The following ARHGAP28 variants were observed in gnomAD, a reference collection of about 807,000 sequenced individuals.
ARHGAP28 encodes the protein rho GTPase-activating protein 28.
In ARHGAP28, 56 loss-of-function variants were observed where a neutral mutation model predicts 90.7. That is an observed-to-expected ratio of 0.62 (90% confidence interval 0.50 to 0.77). ARHGAP28 has a LOEUF of 0.77. Ranked by LOEUF, ARHGAP28 falls within the 30% of genes least tolerant of loss-of-function variation. The probability of loss-of-function intolerance (pLI) is 0.00; values close to 1 mark genes in which losing one functional copy is unlikely to be tolerated. For synonymous variants in ARHGAP28, 308 were observed against 323.3 expected (o/e 0.95, Z 0.51); for missense variants, 869 against 900.9 (o/e 0.96, Z 0.45).
At chr18:6,844,959 G>T (rs2056855538) in intron 3 of ARHGAP28, among the ~76,000 whole-genome samples, 1 of 152,112 alleles carries the variant, frequency 6.6e-6, no homozygotes, top group South Asian at 2.1e-4. Context: ...AAAGTGTGGG[G>T]GAAGATGTCA....
Position 6,873,448 on chromosome 18 carries a change from G to A in ARHGAP28, c.994G>A (p.Ala332Thr). Residue 332 changes from alanine to threonine, a missense_variant, in exon 8 of 18, where the codon GCA becomes ACA. By Grantham distance (58) the Ala-to-Thr change is moderately conservative. Coordinates refer to ENST00000383472, the MANE Select transcript of ARHGAP28 (RefSeq NM_001366230.1). ...VQKTRFGLTE[A>T]GDLSAEDMKK... ...GAAAACCAGATTTGGCTTAACTGAA[G>A]CAGGAGATCTGTCTGCTGAAGACAT... The A allele has an allele frequency of 6.2e-7, 1 of 1,612,690 alleles. No homozygotes were observed. The highest frequency in any genetic ancestry group is 8.5e-7 in the Non-Finnish European group (1 of 1,179,708).
intron 2 of ARHGAP28, among the ~76,000 whole-genome samples, chr18:6,825,631 A>G (rs1378521092): frequency 6.6e-6 from 1 of 152,076 alleles, no homozygotes; most frequent in African/African-American, 2.4e-5. Flanking sequence ...AGTAGTCTGC[A>G]GTGTCTATTG....
At chr18:6,905,671 C>A (rs1432049681) in intron 16 of ARHGAP28, among the ~76,000 whole-genome samples, 3 of 152,110 alleles carry the variant, frequency 2.0e-5, no homozygotes, top group African/African-American at 7.2e-5. Flanking sequence ...TTTAAAAAGA[C>A]CTAGAAGTAA....
At chr18:6,817,343 C>A (rs568707315) in intron 1 of ARHGAP28, among the ~76,000 whole-genome samples, 465 of 145,564 alleles carry the variant, frequency 3.2e-3, no homozygotes, top group African/African-American at 0.011. Flanking sequence ...AAAAAAAAAA[C>A]AAAACAAAAC....
intron 1 of ARHGAP28, among the ~76,000 whole-genome samples, chr18:6,787,242 A>G (rs1234235113): frequency 6.8e-6 from 1 of 146,062 alleles, no homozygotes; most frequent in African/African-American, 2.6e-5. Flanking sequence ...AAAAAAAAAA[A>G]GGATTGAAGT....
chr18:6,824,520 G>C (rs2056647985), intron 1 of ARHGAP28, among the ~76,000 whole-genome samples: 2 of 152,006 alleles, frequency 1.3e-5, no homozygotes, highest in African/African-American at 4.8e-5. Context: ...CTGGGCAACA[G>C]AGCAAGACTC....
intron 3 of ARHGAP28, among the ~76,000 whole-genome samples, chr18:6,839,304 T>A (rs904303743): frequency 2.0e-5 from 3 of 150,732 alleles, no homozygotes; most frequent in African/African-American, 7.3e-5. Context: ...TTTTTTTTTT[T>A]TTTTTTTGAG....
intron 12 of ARHGAP28, among the ~76,000 whole-genome samples, chr18:6,889,278 A>G (rs1378279736): frequency 6.6e-6 from 1 of 152,112 alleles, no homozygotes; most frequent in Non-Finnish European, 1.5e-5. Flanking sequence ...ATTTTTTTTA[A>G]TGCTTAGAAG....
intron 1 of ARHGAP28, among the ~76,000 whole-genome samples, chr18:6,802,276 T>C (rs748868439): frequency 1.3e-5 from 2 of 151,712 alleles, no homozygotes; most frequent in African/African-American, 2.4e-5. Flanking sequence ...GATTTCCTTT[T>C]ATATATGTGC....
intron 1 of ARHGAP28, among the ~76,000 whole-genome samples, chr18:6,821,180 T>C (rs1454436775): frequency 6.6e-6 from 1 of 152,188 alleles, no homozygotes; most frequent in Non-Finnish European, 1.5e-5. Flanking sequence ...TCCATGTGAA[T>C]AGTAATAAAG....
At chr18:6,870,774 A>G in intron 7 of ARHGAP28, 42 bp downstream of exon 7, 7 of 1,547,982 alleles carry the variant, frequency 4.5e-6, no homozygotes, top group Non-Finnish European at 6.1e-6. Context: ...ACTTCCTGTG[A>G]CTTCATAGGA....
At chr18:6,782,596 T>A (rs1321020429) in intron 1 of ARHGAP28, among the ~76,000 whole-genome samples, 2 of 53,452 alleles carry the variant, frequency 3.7e-5, no homozygotes, top group Admixed American at 3.3e-4. Context: ...TTTTGTATTT[T>A]TTTTTTTTTT....
At chr18:6,835,066 C>G (rs922978421) in intron 2 of ARHGAP28, among the ~76,000 whole-genome samples, 5 of 152,136 alleles carry the variant, frequency 3.3e-5, no homozygotes, top group Admixed American at 2.6e-4. Flanking sequence ...GAGCAGCCAA[C>G]AGGAGTAATA....
chr18:6,877,914 T>C (rs1567979677), intron 10 of ARHGAP28, among the ~76,000 whole-genome samples: 2 of 152,092 alleles, frequency 1.3e-5, no homozygotes, highest in Non-Finnish European at 2.9e-5. Flanking sequence ...CTGTCCATAA[T>C]TGGGAAACTG....
chr18:6,763,511 C>G (rs2056178106), intron 1 of ARHGAP28, among the ~76,000 whole-genome samples: 1 of 152,198 alleles, frequency 6.6e-6, no homozygotes, highest in Non-Finnish European at 1.5e-5. Flanking sequence ...TATTCCTGCA[C>G]ACATTTTAGA....
At chr18:6,820,080 A>G (rs1036902778) in intron 1 of ARHGAP28, among the ~76,000 whole-genome samples, 6 of 152,234 alleles carry the variant, frequency 3.9e-5, no homozygotes, top group Non-Finnish European at 8.8e-5. Context: ...TTTTATATCA[A>G]TATTTAATCA....
At chr18:6,769,457 G>T (rs1428893995) in intron 1 of ARHGAP28, among the ~76,000 whole-genome samples, 1 of 151,882 alleles carries the variant, frequency 6.6e-6, no homozygotes. Flanking sequence ...TTTTTCTTTT[G>T]CATCAATGCT....
At chr18:6,745,989 T>C (rs1323978052) in intron 1 of ARHGAP28, among the ~76,000 whole-genome samples, 1 of 152,152 alleles carries the variant, frequency 6.6e-6, no homozygotes, top group Non-Finnish European at 1.5e-5. Flanking sequence ...TGGAGACTCA[T>C]TTCTCCATTG....
chr18:6,767,429 A>T (rs542934648), intron 1 of ARHGAP28, among the ~76,000 whole-genome samples: 1 of 152,246 alleles, frequency 6.6e-6, no homozygotes, highest in African/African-American at 2.4e-5. Context: ...TCTTTTGTAG[A>T]GGTCCAAGTT....
Sources: gnomAD v4.1 joint callset for allele counts (sites outside exome capture counted in the v4.1 genomes callset) on GRCh38, gnomAD v4.1.1 for gene constraint, MANE v1.5 for transcripts, NCBI Gene and HGNC (gene_info 2026-07-23, HGNC 2026-07-21) for gene names.